Variants in KIFC3 observed in about 807,000 individuals in gnomAD.
KIFC3 encodes kinesin-like protein KIFC3.
A neutral mutation model predicts 101.8 loss-of-function variants in KIFC3; 60 were observed. The ratio of observed to expected loss-of-function variants is 0.59; its 90% CI spans 0.48 to 0.73. The LOEUF (loss-of-function observed/expected upper bound fraction) is 0.73. KIFC3 is among the 30% of genes least tolerant of loss of function. The pLI, the probability that KIFC3 is intolerant of heterozygous loss-of-function variation, is 0.00. For synonymous variants in KIFC3, 476 were observed against 482.7 expected, an observed-to-expected ratio of 0.99 and a Z score of 0.18; for missense variants, 966 against 1,137.1, an observed-to-expected ratio of 0.85 and a Z score of 2.16.
Position 57,802,385 on chromosome 16 carries a change from A to C in KIFC3, c.-55T>G. On this transcript the variant is annotated 5_prime_UTR_variant, in exon 1 of 20. Coordinates refer to ENST00000445690, the MANE Select transcript of KIFC3 (RefSeq NM_001130100.2). The surrounding 1 kb of genome is among the most constrained non-coding windows in gnomAD (Gnocchi z 5.0). ...CCCCACTCACCGGCCTGGCGGAGGCAGGATCCAGGCGTCGCCGCAGCGCCC... is the reference window on the plus strand; with the variant it reads ...CCCCACTCACCGGCCTGGCGGAGGCCGGATCCAGGCGTCGCCGCAGCGCCC... 1 of 982,982 alleles carries C rather than the reference A, an allele frequency of 1.0e-6. No individual in the cohort carries two copies. The highest frequency in any genetic ancestry group is 4.7e-5 in the South Asian group (1 of 21,288). The allele number at this position is 982,982 out of a possible 1,614,324, so 60.9% of individuals were successfully genotyped here.
intron 7 of KIFC3, 107 bp downstream of exon 7, chr16:57,770,420 A>G: frequency 9.7e-7 from 1 of 1,031,064 alleles, no homozygotes; most frequent in South Asian, 2.5e-5. Context: ...GAGAGGAGGG[A>G]CTGGACCCCG....
chr16:57,785,647 G>A (rs1555617390), intron 3 of KIFC3: 1 of 1,251,778 alleles, frequency 8.0e-7, no homozygotes, highest in South Asian at 1.3e-5. Context: ...AGCACCTCCT[G>A]CTGCCAAAGA....
intron 1 of KIFC3, among the ~76,000 whole-genome samples, chr16:57,829,890 T>C (rs782535695): frequency 5.3e-5 from 8 of 152,226 alleles, no homozygotes; most frequent in East Asian, 1.9e-4. Flanking sequence ...CAAGAAGCCA[T>C]TGGAGCAGAG....
upstream of KIFC3, chr16:57,802,896 C>A: frequency 1.5e-6 from 2 of 1,372,168 alleles, no homozygotes; most frequent in Non-Finnish European, 2.0e-6. This position sits in a 1 kb window ranked among gnomAD's most constrained non-coding sequence, Gnocchi z 5.0. Flanking sequence ...ACATACACTT[C>A]TCACGCGGGC....
chr16:57,769,556 C>T lies in KIFC3; in HGVS notation c.1218+39G>A, dbSNP rs201383624. 31 of 1,587,552 alleles carry T rather than the reference C, an allele frequency of 2.0e-5. No homozygotes were observed. In the South Asian group the frequency reaches 3.4e-4, roughly 17 times the overall value. On this transcript the variant is annotated intron_variant, in intron 9 of 19. Coordinates refer to ENST00000445690, the MANE Select transcript of KIFC3 (RefSeq NM_001130100.2). This position sits in a 1 kb window ranked among gnomAD's most constrained non-coding sequence, Gnocchi z 4.3. ...GATGTCGTGCCTCTCCCAGTGCACC[C>T]CCTTAGCCTGGACCCTCCCACCCAC...
In KIFC3 at chr16:57,780,477, C is replaced by T. The variant is rs145900857; in HGVS notation, c.316-8189G>A. ...AGTGAGCCGAGATCATGCCACTTCA[C>T]TCCAGCCTGGGTGACAGAGCAAGAT... On this transcript the variant is annotated intron_variant, in intron 3 of 19. Transcript: ENST00000445690. Among the ~76,000 whole-genome samples the T allele has an allele frequency of 3.3e-5, 5 of 151,408 alleles. No homozygotes were observed. The East Asian group carries it at 9.8e-4, about 30-fold the overall frequency.
At chr16:57,798,615 C>A (rs1019901025) in intron 1 of KIFC3, 1 of 413,236 alleles carries the variant, frequency 2.4e-6, no homozygotes, top group South Asian at 2.7e-5. Flanking sequence ...GGAGGCACCG[C>A]GAGTCAGCAG....
chr16:57,816,322 C>T (rs1555628794), intron 1 of KIFC3: 2 of 1,161,702 alleles, frequency 1.7e-6, no homozygotes, highest in Non-Finnish European at 2.3e-6. Context: ...GATCTGTCTT[C>T]CCGTGTGTCT....
rs376046291 is a variant in KIFC3, at chr16:57,770,726, G to C, written c.766-26C>G. On this transcript the variant is annotated intron_variant, in intron 6 of 19. Coordinates refer to ENST00000445690, the MANE Select transcript of KIFC3 (RefSeq NM_001130100.2). ...CTGCAGGGTGAGGGAGGAATGGCAC[G>C]TGGAGCCAGCGGGCACCGTACCTCA... 1.3e-5 allele frequency: 19 copies of C among 1,417,362 alleles called. No homozygotes were observed. In the African/African-American group the frequency reaches 2.6e-4, roughly 19 times the overall value. 87.8% of individuals were successfully genotyped at this position (1,417,362 alleles called of 1,614,324 possible). A position where few individuals can be genotyped will look rare whatever the true frequency, so the allele number is the denominator to read the frequency against.
intron 3 of KIFC3, among the ~76,000 whole-genome samples, chr16:57,790,623 C>T (rs1427375961): frequency 1.3e-5 from 2 of 152,126 alleles, no homozygotes; most frequent in Non-Finnish European, 2.9e-5. Flanking sequence ...AAGCTGCATT[C>T]TCCTCATTCT....
chr16:57,842,723 G>C (rs2055838855), intron 1 of KIFC3, among the ~76,000 whole-genome samples: 1 of 152,012 alleles, frequency 6.6e-6, no homozygotes, highest in African/African-American at 2.4e-5. Flanking sequence ...CATTTTAACA[G>C]GTCCAAAAAC....
chr16:57,811,915 T>C (rs1316361710), intron 1 of KIFC3, among the ~76,000 whole-genome samples: 11 of 20,676 alleles, frequency 5.3e-4, no homozygotes, highest in African/African-American at 1.3e-3. Flanking sequence ...CAAGACTCCG[T>C]CTCAAAAAAA....
intron 1 of KIFC3, among the ~76,000 whole-genome samples, chr16:57,811,028 A>C (rs1201736503): frequency 2.6e-5 from 4 of 152,230 alleles, no homozygotes; most frequent in African/African-American, 9.6e-5. Flanking sequence ...CTACAGCCAC[A>C]AGGAAGTGAG....
intron 1 of KIFC3, among the ~76,000 whole-genome samples, chr16:57,820,276 T>C (rs1161315164): frequency 2.0e-5 from 3 of 152,200 alleles, no homozygotes; most frequent in Non-Finnish European, 4.4e-5. Flanking sequence ...GACTTTATTT[T>C]TTATTTTTTG....
At chr16:57,770,845 T>G (rs1332190031) in intron 6 of KIFC3, 145 bp from the exon 7 acceptor site, 1 of 743,524 alleles carries the variant, frequency 1.3e-6, no homozygotes, top group Admixed American at 3.4e-5. Flanking sequence ...CTTGAGGTCC[T>G]GGCTTTCCAG....
chr16:57,846,380 A>G (rs1470977003), intron 1 of KIFC3: 1 of 152,312 alleles, frequency 6.6e-6, no homozygotes, highest in East Asian at 1.9e-4. Flanking sequence ...CAACCTGGAC[A>G]CAGGGCTTTG....
chr16:57,772,336 A>C, intron 3 of KIFC3, 48 bp from the exon 4 acceptor site: 1 of 1,533,106 alleles, frequency 6.5e-7, no homozygotes, highest in Non-Finnish European at 9.0e-7. Flanking sequence ...CCTCAGCTCC[A>C]GCCTACACCC....
intron 3 of KIFC3, among the ~76,000 whole-genome samples, chr16:57,773,204 G>A (rs1416489750): frequency 6.6e-6 from 1 of 152,184 alleles, no homozygotes; most frequent in Non-Finnish European, 1.5e-5. Context: ...CTCGGGAAAG[G>A]TGCGCTAAGA....
intron 1 of KIFC3, among the ~76,000 whole-genome samples, chr16:57,858,623 T>A (rs2056229654): frequency 6.6e-6 from 1 of 152,092 alleles, no homozygotes; most frequent in Non-Finnish European, 1.5e-5. Context: ...GCTTTTTTTT[T>A]AACCATCCCC....
Sources: allele counts gnomAD v4.1 joint callset (sites outside exome capture counted in the v4.1 genomes callset), GRCh38; gene constraint gnomAD v4.1.1; non-coding constraint Gnocchi (gnomAD v3.1); transcripts MANE v1.5; gene names NCBI Gene and HGNC (gene_info 2026-07-23, HGNC 2026-07-21).